DPY19L1: variants seen among roughly 807,000 people sequenced by gnomAD.
DPY19L1 encodes dpy-19 like C-mannosyltransferase 1.
In DPY19L1, 35 loss-of-function variants were observed where a neutral mutation model predicts 96.9. That is an observed-to-expected ratio of 0.36 (90% CI 0.28 to 0.48). The LOEUF is 0.48. Ranked by LOEUF, DPY19L1 falls within the 20% of genes least tolerant of loss-of-function variation. The pLI, the probability that DPY19L1 is intolerant of heterozygous loss-of-function variation, is 0.99. For synonymous variants in DPY19L1, 205 were observed against 252.6 expected (o/e 0.81, Z 1.79); for missense variants, 521 against 777.9 (o/e 0.67, Z 3.93).
chr7:34,938,531 G>A (rs1400819919), intron 20 of DPY19L1, among the ~76,000 whole-genome samples: 1 of 152,066 alleles, frequency 6.6e-6, no homozygotes, highest in South Asian at 2.1e-4. Flanking sequence ...ACATTAAATG[G>A]TTCTTCATTT....
At chr7:35,037,703 G>C, upstream of DPY19L1, 1 of 512,846 alleles carries the variant, frequency 1.9e-6, no homozygotes, top group Non-Finnish European at 2.5e-6. Flanking sequence ...GAGCGGCCGC[G>C]GCCCCGCCCC....
At chr7:35,010,098 C>A (rs1463833795) in intron 6 of DPY19L1, among the ~76,000 whole-genome samples, 1 of 151,886 alleles carries the variant, frequency 6.6e-6, no homozygotes, top group Non-Finnish European at 1.5e-5. Flanking sequence ...AGTTTGGTGG[C>A]GTGCACCTAT....
At chr7:34,965,038 A>T (rs1307060530) in intron 10 of DPY19L1, among the ~76,000 whole-genome samples, 2 of 152,186 alleles carry the variant, frequency 1.3e-5, no homozygotes, top group Non-Finnish European at 2.9e-5. Context: ...GCTGCTATAT[A>T]TTGCTGTTGG....
rs780444945 is a variant in DPY19L1, at chr7:34,941,810, C to G, written c.1644G>C (p.Leu548Phe). ...ATGCCATAACACACATGTGTGGTGT[C>G]AAGAAGAGTTTTAGTCTCATAATTA... ...GILIMRLKLF[L>F]TPHMCVMASL... is the part of the protein sequence containing the mutation. The change falls in exon 18 of 22, where the codon TTG becomes TTC. Residue 548 changes from leucine to phenylalanine, a missense_variant. Leu to Phe is a conservative substitution (Grantham distance 22, BLOSUM62 0). Transcript: ENST00000638088. The G allele has an allele frequency of 6.3e-7, 1 of 1,593,580 alleles. No individual in the cohort carries two copies. The highest frequency in any genetic ancestry group is 8.5e-7 in the Non-Finnish European group (1 of 1,171,854).
chr7:35,007,163 C>G (rs1484572026), intron 6 of DPY19L1, among the ~76,000 whole-genome samples: 1 of 152,076 alleles, frequency 6.6e-6, no homozygotes, highest in Non-Finnish European at 1.5e-5. Context: ...ATGAAAAACA[C>G]TGATAGAAAA....
chr7:34,992,112 C>A (rs1351467562), intron 6 of DPY19L1, among the ~76,000 whole-genome samples: 9 of 152,176 alleles, frequency 5.9e-5, no homozygotes, highest in Admixed American at 1.3e-4. Flanking sequence ...ACTCTTGTCA[C>A]AGAGTATGCA....
chr7:34,939,869 A>G (rs997121728), intron 19 of DPY19L1, among the ~76,000 whole-genome samples: 8 of 152,226 alleles, frequency 5.3e-5, no homozygotes, highest in African/African-American at 1.4e-4. Flanking sequence ...CACAGGAAAA[A>G]TTATTTTAAA....
chr7:34,973,362 T>TCAAAA (rs1784766536), intron 8 of DPY19L1, 152 bp downstream of exon 8: 1 of 415,728 alleles, frequency 2.4e-6, no homozygotes, highest in Admixed American at 4.6e-5. Flanking sequence ...ATGTTTTTGA[T>TCAAAA]ACTATTTTTA....
intron 21 of DPY19L1, among the ~76,000 whole-genome samples, chr7:34,937,354 G>A (rs1345575517): frequency 6.6e-6 from 1 of 152,172 alleles, no homozygotes; most frequent in East Asian, 1.9e-4. Flanking sequence ...GTGTAGCACA[G>A]AGACCCAGTA....
intron 6 of DPY19L1, among the ~76,000 whole-genome samples, chr7:35,007,030 G>A (rs562081252): frequency 5.8e-4 from 88 of 152,120 alleles, no homozygotes; most frequent in African/African-American, 2.0e-3. Flanking sequence ...TAAGAAGTCT[G>A]CAGCTTTATC....
intron 7 of DPY19L1, among the ~76,000 whole-genome samples, chr7:34,975,539 G>A (rs187350844): frequency 6.6e-6 from 1 of 152,306 alleles, no homozygotes; most frequent in East Asian, 1.9e-4. Flanking sequence ...TGATGTAGAC[G>A]CTGCAAGTTA....
intron 7 of DPY19L1, chr7:34,988,113 A>T (rs1785088470): frequency 6.6e-6 from 1 of 152,148 alleles, no homozygotes; most frequent in South Asian, 2.1e-4. Flanking sequence ...TTTGTAAGGA[A>T]TGATGTTCAT....
chr7:35,009,897 T>A (rs1785661591), intron 6 of DPY19L1, among the ~76,000 whole-genome samples: 1 of 152,104 alleles, frequency 6.6e-6, no homozygotes, highest in South Asian at 2.1e-4. Flanking sequence ...CATAACAATA[T>A]ATGGAATATA....
intron 1 of DPY19L1, among the ~76,000 whole-genome samples, chr7:35,032,583 T>C (rs1451468628): frequency 6.6e-6 from 1 of 152,158 alleles, no homozygotes; most frequent in Non-Finnish European, 1.5e-5. Flanking sequence ...GATGACTCCC[T>C]GTAGTACATC....
At chr7:35,007,740 A>C (rs930646269) in intron 6 of DPY19L1, among the ~76,000 whole-genome samples, 2 of 152,054 alleles carry the variant, frequency 1.3e-5, no homozygotes, top group Non-Finnish European at 2.9e-5. Context: ...AACCCACTGA[A>C]TCAATTTTAA....
At position 34,940,218 on chromosome 7, in the gene DPY19L1, A is replaced by G; in HGVS notation, c.1799T>C (p.Val600Ala). 2 of 1,610,358 alleles carry G rather than the reference A, an allele frequency of 1.2e-6. No homozygotes were observed. Among genetic ancestry groups the G allele is most frequent in the Non-Finnish European group, 8.5e-7 (1 of 1,179,260 alleles). ...TTGGGGCAAATTGCTGAACTCCCCT[A>G]CAATATTCCACTGGGTTTGCAGATT... is the stretch of plus-strand genomic sequence containing the variant. ...SANLQTQWNIVGEFSNLPQEE... is the reference protein window; with the variant it reads ...SANLQTQWNIAGEFSNLPQEE... Residue 600 changes from valine (V) to alanine (A), a missense_variant, in exon 19 of 22, where the codon GTA (valine) becomes GCA (alanine). Coordinates refer to ENST00000638088, the MANE Select transcript of DPY19L1 (RefSeq NM_001366673.1).
chr7:34,991,518 A>G (rs995353599), intron 6 of DPY19L1, among the ~76,000 whole-genome samples: 1 of 152,240 alleles, frequency 6.6e-6, no homozygotes, highest in Non-Finnish European at 1.5e-5. Context: ...TCTTCTTCAG[A>G]AGAGAAGCAC....
At chr7:35,026,744 CA>C (rs1300281642) in intron 1 of DPY19L1, among the ~76,000 whole-genome samples, 2 of 152,136 alleles carry the variant, frequency 1.3e-5, no homozygotes, top group African/African-American at 2.4e-5. Context: ...GAGAGGTTGG[CA>C]AAACGTGATA....
At chr7:34,961,773 G>T (rs563197099) in intron 10 of DPY19L1, among the ~76,000 whole-genome samples, 2 of 152,008 alleles carry the variant, frequency 1.3e-5, no homozygotes, top group South Asian at 4.2e-4. Context: ...CTTAAAACTC[G>T]ACAATAAGGA....
Sources: gnomAD v4.1 joint callset for allele counts (sites outside exome capture counted in the v4.1 genomes callset) on GRCh38, gnomAD v4.1.1 for gene constraint, MANE v1.5 for transcripts, NCBI Gene and HGNC (gene_info 2026-07-23, HGNC 2026-07-21) for gene names.